The following SPATA2 variants were observed in gnomAD, a reference collection of about 807,000 sequenced individuals.
SPATA2 encodes the protein spermatogenesis-associated protein 2.
In SPATA2, 8 loss-of-function variants were observed where a neutral mutation model predicts 35.4. The ratio of observed to expected loss-of-function variants is 0.23; its 90% CI spans 0.13 to 0.41. SPATA2 has a LOEUF of 0.41. SPATA2 is among the 10% of genes least tolerant of loss of function. SPATA2 has a pLI of 1.00. For synonymous variants in SPATA2, 293 were observed against 300.9 expected (o/e 0.97, Z 0.27); for missense variants, 650 against 698.7 (o/e 0.93, Z 0.79).
In SPATA2 at chr20:49,905,950, C is replaced by G. The variant is rs766543283; in HGVS notation, c.1232G>C (p.Ser411Thr). 2 of 1,609,832 alleles carry G rather than the reference C, an allele frequency of 1.2e-6. No homozygotes were observed. Among genetic ancestry groups the G allele is most frequent in the Non-Finnish European group, 1.7e-6 (2 of 1,179,880 alleles). ...AGTCGAGGCCTTGCTGGGGAAGGCGCTGGGCTTGGAAGCTGGAGGACAGGT... is the reference window on the plus strand; with the variant it reads ...AGTCGAGGCCTTGCTGGGGAAGGCGGTGGGCTTGGAAGCTGGAGGACAGGT... ...LLTCPPASKP[S>T]AFPSKASTHD... Residue 411 changes from serine (S) to threonine (T), a missense_variant, in exon 3 of 3, where the codon AGC becomes ACC. By Grantham distance (58) the Ser-to-Thr change is moderately conservative. Transcript: ENST00000289431.
intron 1 of SPATA2, among the ~76,000 whole-genome samples, chr20:49,909,733 G>A (rs952700476): frequency 2.6e-5 from 4 of 152,168 alleles, no homozygotes; most frequent in Non-Finnish European, 4.4e-5. Flanking sequence ...CCGAGGCCAC[G>A]AGGGCAGGGG....
At position 49,905,544 on chromosome 20, in the gene SPATA2, C is replaced by T. The variant is rs943092531; in HGVS notation, c.*75G>A. The T allele has an allele frequency of 4.7e-5, 71 of 1,525,912 alleles. No individual in the cohort carries two copies. The highest frequency in any genetic ancestry group is 5.8e-5 in the Non-Finnish European group (65 of 1,116,930). The allele number at this position is 1,525,912 out of a possible 1,614,324, so 94.5% of individuals were successfully genotyped here. On this transcript the variant is annotated 3_prime_UTR_variant, in exon 3 of 3. Transcript: ENST00000289431. ...CAGGCCTCCGCCTCTGAGATCAATG[C>T]GTTAGTACTTCTTCACCGTGAAACC...
Position 49,903,954 on chromosome 20 carries a change from A to ATATAT in SPATA2, c.*1664_*1665insATATA, listed in dbSNP as rs2090125306. 8.5e-6 allele frequency: 1 copy of ATATAT among 117,956 alleles called. No homozygotes were observed. Among genetic ancestry groups the ATATAT allele is most frequent in the Non-Finnish European group, 1.8e-5 (1 of 54,528 alleles). The allele number at this position is 117,956 out of a possible 1,614,324, so 7.3% of individuals were successfully genotyped here. A position where few individuals can be genotyped will look rare whatever the true frequency, so the allele number is the denominator to read the frequency against. On this transcript the variant is annotated 3_prime_UTR_variant, in exon 3 of 3. Transcript: ENST00000289431. ...ATATATATATATATATATATATATT[A>ATATAT]AAAAGAGAGCCATAGAAGATTTGGA...
intron 1 of SPATA2, among the ~76,000 whole-genome samples, chr20:49,913,197 A>C (rs1714869874): frequency 6.6e-6 from 1 of 152,196 alleles, no homozygotes; most frequent in Non-Finnish European, 1.5e-5. Flanking sequence ...CTTTACCTAC[A>C]TCATCCCATT....
At position 49,905,474 on chromosome 20, in the gene SPATA2, TG is replaced by T; in HGVS notation, c.*144del. The T allele has an allele frequency of 1.2e-6, 1 of 837,692 alleles. No individual in the cohort carries two copies. Among genetic ancestry groups the T allele is most frequent in the Non-Finnish European group, 1.9e-6 (1 of 539,034 alleles). 51.9% of individuals were successfully genotyped at this position (837,692 alleles called of 1,614,324 possible). ...CTGAGTCGCTAAGTGAACTCCCACG[TG>T]GACACAGCCAGCCCACGATCTCTGC... On this transcript the variant is annotated 3_prime_UTR_variant, in exon 3 of 3. Coordinates refer to ENST00000289431, the MANE Select transcript of SPATA2 (RefSeq NM_006038.4).
Sources: allele counts gnomAD v4.1 joint callset (sites outside exome capture counted in the v4.1 genomes callset), GRCh38; gene constraint gnomAD v4.1.1; transcripts MANE v1.5; gene names NCBI Gene and HGNC (gene_info 2026-07-23, HGNC 2026-07-21).